Variants in IMPG1 observed in about 807,000 individuals in gnomAD.
IMPG1 encodes the protein interphotoreceptor matrix proteoglycan of 150 kDa.
In IMPG1, 85 loss-of-function variants were observed where a neutral mutation model predicts 92.0. The ratio of observed to expected loss-of-function variants is 0.92; its 90% CI spans 0.78 to 1.11. IMPG1 has a LOEUF of 1.11. IMPG1 is among the 50% of genes least tolerant of loss of function. The pLI is 0.00. For missense variants in IMPG1, 1,022 were observed against 956.0 expected (o/e 1.07, Z -0.91); for synonymous variants, 367 against 334.1 (o/e 1.10, Z -1.08).
chr6:76,018,823 C>T lies in IMPG1; in HGVS notation c.702G>A (p.Gln234=), dbSNP rs2149482411. ...RETEFAVLEE[Q]RVELSVSLVN... is the part of the protein sequence containing the mutation. ...CCAGAGAGACGCTGAGCTCCACCCT[C>T]TGCTCCTCCAACACAGCGAATTCTG... Residue 234 remains glutamine (Q), a synonymous_variant, in exon 7 of 17, where the codon CAG becomes CAA. Coordinates refer to ENST00000369950, the MANE Select transcript of IMPG1 (RefSeq NM_001563.4). The T allele has an allele frequency of 6.2e-7, 1 of 1,611,520 alleles. No individual in the cohort carries two copies. Among genetic ancestry groups the T allele is most frequent in the Admixed American group, 1.7e-5 (1 of 59,706 alleles).
chr6:75,947,747 G>A (rs9360964), intron 13 of IMPG1, among the ~76,000 whole-genome samples: 1 of 151,766 alleles, frequency 6.6e-6, no homozygotes, highest in East Asian at 1.9e-4. Flanking sequence ...TTCTATCTGT[G>A]TATTGAGATG....
chr6:75,977,444 G>A (rs534668983), intron 12 of IMPG1, among the ~76,000 whole-genome samples: 55 of 151,834 alleles, frequency 3.6e-4, no homozygotes, highest in Middle Eastern at 3.4e-3. Flanking sequence ...AAAATTAGCC[G>A]GGCCTGGTGG....
chr6:75,956,049 G>A (rs1295192495), intron 12 of IMPG1, among the ~76,000 whole-genome samples: 1 of 152,066 alleles, frequency 6.6e-6, no homozygotes, highest in African/African-American at 2.4e-5. Context: ...AGGGATATTG[G>A]CCTGAAATTT....
Position 75,924,735 on chromosome 6 carries a change from A to AATATAATT in IMPG1, c.2244-1030_2244-1029insAATTATAT, listed in dbSNP as rs1781519547. On this transcript the variant is annotated intron_variant, in intron 15 of 16. Coordinates refer to ENST00000369950, the MANE Select transcript of IMPG1 (RefSeq NM_001563.4). The stretch of plus-strand genomic sequence containing the variant: ...TATAATATATAATATAATTATATAT[A>AATATAATT]ATATATAATATATAATATATCATAT... Among the ~76,000 whole-genome samples the AATATAATT allele has an allele frequency of 8.9e-5, 2 of 22,414 alleles. 1 individual carries two copies. Among genetic ancestry groups the AATATAATT allele is most frequent in the Admixed American group, 1.6e-3 (2 of 1,288 alleles). The allele number at this position is 22,414 out of a possible 152,430, so 14.7% of individuals were successfully genotyped here.
chr6:76,001,442 C>T (rs1166175899), intron 12 of IMPG1, among the ~76,000 whole-genome samples: 6 of 152,162 alleles, frequency 3.9e-5, no homozygotes, highest in African/African-American at 1.4e-4. Context: ...AGCTCTATGT[C>T]CCCTCCCTTT....
chr6:75,931,666 T>A (rs1781671018), intron 14 of IMPG1, among the ~76,000 whole-genome samples: 2 of 152,262 alleles, frequency 1.3e-5, no homozygotes, highest in Non-Finnish European at 2.9e-5. Context: ...TTCCTGATTT[T>A]AAATATAAAT....
intron 12 of IMPG1, among the ~76,000 whole-genome samples, chr6:75,968,943 G>T (rs1426421157): frequency 6.6e-6 from 1 of 152,094 alleles, no homozygotes; most frequent in Non-Finnish European, 1.5e-5. Context: ...GTTCATCGAT[G>T]AATGACTAAA....
chr6:76,072,429 T>A lies in IMPG1; in HGVS notation c.60A>T (p.Gly20=). The A allele has an allele frequency of 6.4e-7, 1 of 1,559,446 alleles. No homozygotes were observed. The highest frequency in any genetic ancestry group is 8.8e-7 in the Non-Finnish European group (1 of 1,134,654). ...FVFWIFLQVQ[G]TKDISINIYH... ...AACATTTAAGTAACTTACCTTTGGTTCCTTGAACTTGGAGAAAAATCCAAA... is the reference window on the plus strand; with the variant it reads ...AACATTTAAGTAACTTACCTTTGGTACCTTGAACTTGGAGAAAAATCCAAA... Residue 20 remains glycine (G), a synonymous_variant, in exon 1 of 17, where the codon GGA becomes GGT. Transcript: ENST00000369950.
rs544198499 is a variant in IMPG1, at chr6:76,026,888, T to A, written c.498-1630A>T. On this transcript the variant is annotated intron_variant, in intron 4 of 16. Transcript: ENST00000369950. ...CTGAGGGCATGGCTTGTAACTCCAG[T>A]GGCAAGACTTTGCCTTATGGAATGA... Among the ~76,000 whole-genome samples the A allele has an allele frequency of 9.9e-5, 15 of 152,208 alleles. 1 individual carries two copies. Among genetic ancestry groups the A allele is most frequent in the Non-Finnish European group, 1.0e-4 (7 of 68,034 alleles).
intron 14 of IMPG1, among the ~76,000 whole-genome samples, chr6:75,946,978 C>T (rs1302962464): frequency 6.6e-6 from 1 of 152,060 alleles, no homozygotes; most frequent in Admixed American, 6.6e-5. Flanking sequence ...TGACTTCTAG[C>T]AGAATGTAAA....
chr6:76,003,240 A>G (rs898885561), intron 11 of IMPG1, among the ~76,000 whole-genome samples: 2 of 152,190 alleles, frequency 1.3e-5, no homozygotes, highest in African/African-American at 4.8e-5. Flanking sequence ...AATAGACTTA[A>G]CTAACAGCTA....
At chr6:75,992,859 C>T (rs1298373994) in intron 12 of IMPG1, among the ~76,000 whole-genome samples, 1 of 152,168 alleles carries the variant, frequency 6.6e-6, no homozygotes, top group Non-Finnish European at 1.5e-5. Flanking sequence ...CCTTCTCAAC[C>T]CAAGCAAAGC....
At chr6:75,940,148 A>G (rs1781814558) in intron 14 of IMPG1, among the ~76,000 whole-genome samples, 1 of 152,130 alleles carries the variant, frequency 6.6e-6, no homozygotes, top group Non-Finnish European at 1.5e-5. Flanking sequence ...TGTTGGGGTT[A>G]TTCAGAGTTC....
chr6:76,034,835 C>T (rs370929478), intron 2 of IMPG1, 48 bp from the exon 3 acceptor site: 149 of 1,504,644 alleles, frequency 9.9e-5, no homozygotes, highest in Non-Finnish European at 1.3e-4. Flanking sequence ...GGTCCCCGTA[C>T]CCAATCCCAA....
chr6:75,992,147 G>T (rs527621582), intron 12 of IMPG1, among the ~76,000 whole-genome samples: 2 of 152,238 alleles, frequency 1.3e-5, no homozygotes, highest in Non-Finnish European at 2.9e-5. Flanking sequence ...TCTGCCAGCA[G>T]ATGGCCTTCG....
chr6:75,924,517 T>C (rs1781491807), intron 15 of IMPG1, among the ~76,000 whole-genome samples: 1 of 81,974 alleles, frequency 1.2e-5, no homozygotes, highest in Non-Finnish European at 2.2e-5. Context: ...ATAATTAATA[T>C]AATTATATAT....
chr6:75,981,966 G>T (rs886099235), intron 12 of IMPG1, among the ~76,000 whole-genome samples: 1 of 152,110 alleles, frequency 6.6e-6, no homozygotes, highest in African/African-American at 2.4e-5. Flanking sequence ...TGCATTACAT[G>T]CCTGATTAAT....
At chr6:76,064,170 G>T (rs1784260588) in intron 1 of IMPG1, among the ~76,000 whole-genome samples, 1 of 152,072 alleles carries the variant, frequency 6.6e-6, no homozygotes, top group Non-Finnish European at 1.5e-5. Flanking sequence ...TAGAATGGAG[G>T]ACAGCCATTC....
intron 12 of IMPG1, among the ~76,000 whole-genome samples, chr6:75,952,311 T>C (rs1054114219): frequency 8.5e-5 from 13 of 152,170 alleles, no homozygotes; most frequent in African/African-American, 3.1e-4. Context: ...GCATGATAAA[T>C]GGACTGTCTG....
Sources: gnomAD v4.1 joint callset for allele counts (sites outside exome capture counted in the v4.1 genomes callset) on GRCh38, gnomAD v4.1.1 for gene constraint, MANE v1.5 for transcripts, NCBI Gene and HGNC (gene_info 2026-07-23, HGNC 2026-07-21) for gene names.